JAGN1: variants seen among roughly 807,000 people sequenced by gnomAD.
JAGN1 encodes jagunal vesicle mediated transporter 1.
Under a neutral mutation model 17.1 loss-of-function variants are expected in JAGN1, and 13 were observed. That is an observed-to-expected ratio of 0.76 (90% CI 0.49 to 1.21). The LOEUF is 1.21. Ranked by LOEUF, JAGN1 falls within the 50% of genes most tolerant of loss-of-function variation. The pLI, the probability that JAGN1 is intolerant of heterozygous loss-of-function variation, is 0.00. For missense variants in JAGN1, 256 were observed against 234.2 expected (o/e 1.09, Z -0.61); for synonymous variants, 111 against 91.0 (o/e 1.22, Z -1.25).
chr3:9,893,765 A>T lies in JAGN1; in HGVS notation c.*388A>T. On this transcript the variant is annotated 3_prime_UTR_variant, in exon 2 of 2. Coordinates refer to ENST00000647897, the MANE Select transcript of JAGN1 (RefSeq NM_032492.4). ...ATCTCTAGGTCACGGGTCAGGAAAC[A>T]TTTGGGCAGCTGCTCCCTTGGCAGG... 5.5e-6 allele frequency: 1 copy of T among 181,760 alleles called. No individual in the cohort carries two copies. The highest frequency in any genetic ancestry group is 1.1e-5 in the Non-Finnish European group (1 of 87,538). 11.3% of individuals were successfully genotyped at this position (181,760 alleles called of 1,614,324 possible). A position where few individuals can be genotyped will look rare whatever the true frequency, so the allele number is the denominator to read the frequency against.
intron 1 of JAGN1, 115 bp downstream of exon 1, chr3:9,890,926 C>T (rs1260078090): frequency 1.1e-6 from 1 of 874,108 alleles, no homozygotes; most frequent in African/African-American, 1.7e-5. Flanking sequence ...CCCCGCTCAC[C>T]TGCCAAGTCC....
rs143617732 is a variant in JAGN1, at chr3:9,893,095, C to T, written c.270C>T (p.Leu90=). 682 of 1,614,116 alleles carry T rather than the reference C, an allele frequency of 4.2e-4. No individual in the cohort carries two copies. Among genetic ancestry groups the T allele is most frequent in the Admixed American group, 6.7e-4 (40 of 60,008 alleles). The change falls in exon 2 of 2, where the codon CTC becomes CTT. Residue 90 remains leucine (L), a synonymous_variant. Coordinates refer to ENST00000647897, the MANE Select transcript of JAGN1 (RefSeq NM_032492.4). ...TTTTGCCCTCTCTCTTGGGCCTTCT[C>T]TCCTTTCCCCGCAACAACATTAGCT... ...LSILPSLLGL[L]SFPRNNISYL...
chr3:9,890,862 C>T lies in JAGN1; in HGVS notation c.89+51C>T, dbSNP rs1267831631. On this transcript the variant is annotated intron_variant, in intron 1 of 1. Transcript: ENST00000647897. ...AGGCTTTCTCCCCCGCTGGAGCCTG[C>T]GGGGCTTGGGGAGCGACGCCGGCCC... The T allele has an allele frequency of 6.1e-6, 9 of 1,481,134 alleles. No individual in the cohort carries two copies. In the Admixed American group the frequency reaches 6.1e-5, roughly 10 times the overall value. The allele number at this position is 1,481,134 out of a possible 1,614,324, so 91.7% of individuals were successfully genotyped here.
At position 9,893,058 on chromosome 3, in the gene JAGN1, A is replaced by G. The variant is rs761794332; in HGVS notation, c.233A>G (p.Tyr78Cys). 17 of 1,614,084 alleles carry G rather than the reference A, an allele frequency of 1.1e-5. No individual in the cohort carries two copies. The highest frequency in any genetic ancestry group is 1.4e-5 in the Non-Finnish European group (17 of 1,179,992). ...VAMPYQWEYP[Y>C]LLSILPSLLG... ...ATGCCCTATCAGTGGGAATACCCGT[A>G]TTTGCTGAGCATTTTGCCCTCTCTC... The change falls in exon 2 of 2, where the codon TAT (tyrosine) becomes TGT (cysteine). Residue 78 changes from tyrosine (Y) to cysteine (C), a missense_variant. Tyr to Cys is a radical substitution (Grantham distance 194). Coordinates refer to ENST00000647897, the MANE Select transcript of JAGN1 (RefSeq NM_032492.4).
chr3:9,891,226 C>G (rs2082560941), intron 1 of JAGN1, among the ~76,000 whole-genome samples: 1 of 152,186 alleles, frequency 6.6e-6, no homozygotes, highest in African/African-American at 2.4e-5. Flanking sequence ...TAGCATAAGG[C>G]CTACCACGTA....
chr3:9,892,200 T>A (rs2082566825), intron 1 of JAGN1, among the ~76,000 whole-genome samples: 1 of 152,052 alleles, frequency 6.6e-6, no homozygotes, highest in African/African-American at 2.4e-5. Flanking sequence ...GTATTTTTAG[T>A]AGAGACAGGG....
chr3:9,893,178 G>A lies in JAGN1; in HGVS notation c.353G>A (p.Gly118Asp). 1.9e-6 allele frequency: 3 copies of A among 1,614,164 alleles called. No homozygotes were observed. Among genetic ancestry groups the A allele is most frequent in the South Asian group, 1.1e-5 (1 of 91,076 alleles). ...TTTTCCATCGCTCCACTCATTTATGGCAGCATGGAGATGTTCCCTGCTGCA... is the reference window on the plus strand; with the variant it reads ...TTTTCCATCGCTCCACTCATTTATGACAGCATGGAGATGTTCCCTGCTGCA... ...GLFSIAPLIY[G>D]SMEMFPAAQQ... The change falls in exon 2 of 2, where the codon GGC becomes GAC. Residue 118 changes from glycine to aspartate, a missense_variant. Gly to Asp is a moderately conservative substitution (Grantham distance 94). Coordinates refer to ENST00000647897, the MANE Select transcript of JAGN1 (RefSeq NM_032492.4).
chr3:9,893,234 C>T lies in JAGN1; in HGVS notation c.409C>T (p.Arg137Cys), dbSNP rs1559260160. 5 of 1,614,166 alleles carry T rather than the reference C, an allele frequency of 3.1e-6. No individual in the cohort carries two copies. The highest frequency in any genetic ancestry group is 4.2e-6 in the Non-Finnish European group (5 of 1,180,044). Residue 137 changes from arginine to cysteine, a missense_variant, in exon 2 of 2, where the codon CGT (arginine) becomes TGT (cysteine). Arg to Cys is a radical substitution (Grantham distance 180). Transcript: ENST00000647897. ...QQLYRHGKAY[R>C]FLFGFSAVSI... ...GCTCTACCGCCATGGCAAGGCCTAC[C>T]GTTTCCTCTTTGGTTTTTCTGCCGT...
rs1366963218 is a variant in JAGN1 at position 9,890,823 on chromosome 3, G to C, written c.89+12G>C. On this transcript the variant is annotated intron_variant, in intron 1 of 1. Transcript: ENST00000647897. Reference sequence around the variant, plus strand: ...CACTACCAGATGAGGTATGAAGTGAGGCGAGGAGCACGGAGGCTTTCTCCC... The same window carrying C: ...CACTACCAGATGAGGTATGAAGTGACGCGAGGAGCACGGAGGCTTTCTCCC... 1 of 1,588,420 alleles carries C rather than the reference G, an allele frequency of 6.3e-7. No individual in the cohort carries two copies.
intron 1 of JAGN1, 104 bp downstream of exon 1, chr3:9,890,915 C>T (rs766092699): frequency 7.7e-5 from 74 of 958,142 alleles, no homozygotes; most frequent in Non-Finnish European, 1.0e-4. Context: ...CCCCAGCCAG[C>T]CCCCGCTCAC....
At position 9,893,363 on chromosome 3, in the gene JAGN1, A is replaced by G. The variant is rs1559260259; in HGVS notation, c.538A>G (p.Lys180Glu). 1 of 1,611,008 alleles carries G rather than the reference A, an allele frequency of 6.2e-7. No homozygotes were observed. Among genetic ancestry groups the G allele is most frequent in the Non-Finnish European group, 8.5e-7 (1 of 1,178,524 alleles). Residue 180 changes from lysine to glutamate, a missense_variant, in exon 2 of 2, where the codon AAG becomes GAG. Physicochemically the swap from Lys to Glu is moderately conservative, Grantham distance 56. Transcript: ENST00000647897. ...CTCTTGGTTCACCAGCACACAGGAG[A>G]AGAAGCATAAATGAAGCCTCTTTGG... Reference protein sequence around the residue: ...LDSWFTSTQEKKHK With the variant: ...LDSWFTSTQEEKHK
intron 1 of JAGN1, among the ~76,000 whole-genome samples, chr3:9,892,015 AATTT>A (rs577920500): frequency 0.011 from 1,684 of 151,664 alleles, 12 homozygotes; most frequent in Non-Finnish European, 0.018. Context: ...TATTATTATT[AATTT>A]ATTTATTTAT....
rs1320025967 is a variant in JAGN1 at position 9,894,268 on chromosome 3, TATCTA to T, written c.*894_*898del. 6.6e-6 allele frequency: 1 copy of T among 152,210 alleles called. No homozygotes were observed. The highest frequency in any genetic ancestry group is 1.5e-5 in the Non-Finnish European group (1 of 68,042). 9.4% of individuals were successfully genotyped at this position (152,210 alleles called of 1,614,324 possible). On this transcript the variant is annotated 3_prime_UTR_variant, in exon 2 of 2. Transcript: ENST00000647897. ...TATTCATGTGAAACAGTGAACATAA[TATCTA>T]ATGATGTGGAGCAAGTACATTAAAA...
chr3:9,892,336 T>C (rs77507044), intron 1 of JAGN1, among the ~76,000 whole-genome samples: 2 of 109,718 alleles, frequency 1.8e-5, no homozygotes, highest in Non-Finnish European at 4.2e-5. Flanking sequence ...ATTAGTAGTA[T>C]TGTTGTTGTT....
chr3:9,892,975 G>T lies in JAGN1; in HGVS notation c.150G>T (p.Leu50=). 6.2e-7 allele frequency: 1 copy of T among 1,614,212 alleles called. No homozygotes were observed. The highest frequency in any genetic ancestry group is 8.5e-7 in the Non-Finnish European group (1 of 1,180,042). Residue 50 remains leucine (L), a synonymous_variant, in exon 2 of 2, where the codon CTG becomes CTT. Coordinates refer to ENST00000647897, the MANE Select transcript of JAGN1 (RefSeq NM_032492.4). ...LIYVHLVIWL[L]LVAKMSVGHL... ...ACGTACATCTGGTCATATGGCTGCT[G>T]CTGGTTGCTAAGATGAGCGTGGGAC...
In JAGN1 at chr3:9,893,273, C is replaced by G; in HGVS notation, c.448C>G (p.Leu150Val). 1.2e-6 allele frequency: 2 copies of G among 1,614,146 alleles called. No individual in the cohort carries two copies. The highest frequency in any genetic ancestry group is 1.1e-5 in the South Asian group (1 of 91,084). The change falls in exon 2 of 2, where the codon CTG (leucine) becomes GTG (valine). Residue 150 changes from leucine to valine, a missense_variant. Leu to Val is a conservative substitution (Grantham distance 32). Coordinates refer to ENST00000647897, the MANE Select transcript of JAGN1 (RefSeq NM_032492.4). Reference sequence around the variant, plus strand: ...TTTTTCTGCCGTTTCCATCATGTACCTGGTGTTGGTGTTGGCAGTGCAAGT... The same window carrying G: ...TTTTTCTGCCGTTTCCATCATGTACGTGGTGTTGGTGTTGGCAGTGCAAGT... ...FGFSAVSIMYLVLVLAVQVHA... is the reference protein window; with the variant it reads ...FGFSAVSIMYVVLVLAVQVHA...
At chr3:9,892,268 G>A (rs572425464) in intron 1 of JAGN1, among the ~76,000 whole-genome samples, 30 of 151,838 alleles carry the variant, frequency 2.0e-4, no homozygotes, top group Non-Finnish European at 3.5e-4. Flanking sequence ...TGCCCGCCTC[G>A]GCCTCCCAAA....
At chr3:9,892,401 C>T (rs1167902324) in intron 1 of JAGN1, among the ~76,000 whole-genome samples, 4 of 151,400 alleles carry the variant, frequency 2.6e-5, no homozygotes, top group African/African-American at 4.9e-5. Flanking sequence ...TCTCGAACTC[C>T]TGGGCTCAAG....
rs2125061523 is a variant in JAGN1, at chr3:9,893,803, C to G, written c.*426C>G. On this transcript the variant is annotated 3_prime_UTR_variant, in exon 2 of 2. Transcript: ENST00000647897. ...CTCCCTTGGCAGGCTGTGGTCTCCT[C>G]TGCAAAGCATTTTAATTAAAAACCT... The G allele has an allele frequency of 5.6e-6, 1 of 179,146 alleles. No individual in the cohort carries two copies. The highest frequency in any genetic ancestry group is 1.4e-4 in the East Asian group (1 of 6,944). 11.1% of individuals were successfully genotyped at this position (179,146 alleles called of 1,614,324 possible).
Sources: allele counts gnomAD v4.1 joint callset (sites outside exome capture counted in the v4.1 genomes callset), GRCh38; gene constraint gnomAD v4.1.1; transcripts MANE v1.5; gene names NCBI Gene and HGNC (gene_info 2026-07-23, HGNC 2026-07-21).